TSC1: variants seen among roughly 807,000 people sequenced by gnomAD.
TSC1 encodes the protein TSC complex subunit 1.
In TSC1, 20 loss-of-function variants were observed where a neutral mutation model predicts 124.3. The ratio of observed to expected loss-of-function variants is 0.16; its 90% CI spans 0.11 to 0.23. The LOEUF (loss-of-function observed/expected upper bound fraction) is 0.23, where lower values mean the gene tolerates loss of function less well. Among genes scored for constraint, TSC1 ranks in the 10% least tolerant of loss-of-function variants. The pLI is 1.00. For synonymous variants in TSC1, 493 were observed against 539.1 expected (o/e 0.91, Z 1.19); for missense variants, 1,124 against 1,448.5 (o/e 0.78, Z 3.64).
chr9:132,905,528 C>T, intron 15 of TSC1, 53 bp downstream of exon 15: 4 of 1,610,798 alleles, frequency 2.5e-6, no homozygotes, highest in Non-Finnish European at 3.4e-6. Context: ...ACTTTCTGTA[C>T]TTCACAATAA....
rs895363180 is a variant in TSC1 at position 132,892,510 on chromosome 9, C to T, written c.*3725G>A. ...CCTTCTCCAGGTGGGGCAGAGCCCCCTGGGGGAACAACTCTCCAAGAGTAT... is the reference window on the plus strand; with the variant it reads ...CCTTCTCCAGGTGGGGCAGAGCCCCTTGGGGGAACAACTCTCCAAGAGTAT... On this transcript the variant is annotated 3_prime_UTR_variant, in exon 23 of 23. Transcript: ENST00000298552. 15 of 233,314 alleles carry T rather than the reference C, an allele frequency of 6.4e-5. No homozygotes were observed. The highest frequency in any genetic ancestry group is 1.1e-4 in the Non-Finnish European group (13 of 118,164). 14.5% of individuals were successfully genotyped at this position (233,314 alleles called of 1,614,324 possible). A position where few individuals can be genotyped will look rare whatever the true frequency, so the allele number is the denominator to read the frequency against.
chr9:132,926,685 C>CTT, intron 4 of TSC1: 4 of 160,074 alleles, frequency 2.5e-5, no homozygotes, highest in East Asian at 1.8e-4. Flanking sequence ...TAAACAAGAT[C>CTT]TTTTTTTTTT....
chr9:132,927,137 C>G (rs544444038), intron 4 of TSC1, 64 bp downstream of exon 4: 2 of 1,473,566 alleles, frequency 1.4e-6, no homozygotes, highest in South Asian at 1.2e-5. Context: ...GCACAGTGGC[C>G]GTGCACAGAA....
At chr9:132,918,977 T>C (rs1009005088) in intron 8 of TSC1, among the ~76,000 whole-genome samples, 1 of 152,238 alleles carries the variant, frequency 6.6e-6, no homozygotes, top group African/African-American at 2.4e-5. Flanking sequence ...TATACAGTCA[T>C]GTGTCACTTA....
intron 20 of TSC1, chr9:132,899,776 C>A (rs1845271789): frequency 6.6e-6 from 1 of 152,214 alleles, no homozygotes; most frequent in Non-Finnish European, 1.5e-5. Context: ...CACAAGGACT[C>A]CTTGGAGGCC....
intron 16 of TSC1, among the ~76,000 whole-genome samples, chr9:132,904,144 G>A (rs1845527317): frequency 6.6e-6 from 1 of 152,160 alleles, no homozygotes. Context: ...CCAGGAAGAT[G>A]CTTCACTCTG....
At chr9:132,930,587 CAA>C (rs58163733) in intron 2 of TSC1, among the ~76,000 whole-genome samples, 3 of 45,246 alleles carry the variant, frequency 6.6e-5, no homozygotes, top group African/African-American at 9.9e-5. Context: ...GACTCTGCCT[CAA>C]AAAAAAAAAA....
At chr9:132,919,536 C>T (rs1846435584) in intron 8 of TSC1, among the ~76,000 whole-genome samples, 1 of 152,120 alleles carries the variant, frequency 6.6e-6, no homozygotes, top group Non-Finnish European at 1.5e-5. Flanking sequence ...GGAATAATGC[C>T]TTCAAATTAC....
At chr9:132,917,353 T>C (rs1846316159) in intron 8 of TSC1, among the ~76,000 whole-genome samples, 1 of 152,202 alleles carries the variant, frequency 6.6e-6, no homozygotes, top group South Asian at 2.1e-4. Flanking sequence ...TTTTCTGAGA[T>C]GGATTCTCGC....
At chr9:132,939,623 C>T (rs1377351786) in intron 1 of TSC1, among the ~76,000 whole-genome samples, 1 of 152,206 alleles carries the variant, frequency 6.6e-6, no homozygotes, top group African/African-American at 2.4e-5. Flanking sequence ...ACATGAACAA[C>T]ATTATTTACT....
intron 1 of TSC1, among the ~76,000 whole-genome samples, chr9:132,936,289 CTTTTAG>C (rs889710971): frequency 1.4e-4 from 21 of 152,082 alleles, no homozygotes; most frequent in Non-Finnish European, 2.8e-4. Context: ...TAATCGGTTT[CTTTTAG>C]TTTTAAAGAT....
chr9:132,944,187 C>T (rs1385634841), intron 1 of TSC1: 1 of 172,432 alleles, frequency 5.8e-6, no homozygotes, highest in Non-Finnish European at 1.2e-5. Flanking sequence ...CCCTCCGCAC[C>T]TAGCGTGAAC....
chr9:132,927,087 G>A lies in TSC1; in HGVS notation c.210+114C>T, dbSNP rs537747138. On this transcript the variant is annotated intron_variant, in intron 4 of 22. Transcript: ENST00000298552. Reference sequence around the variant, plus strand: ...TTATAAACTGGGAACAATGTCATCAGTGGCGCACAGAAATCAAAAGAATAA... The same window carrying A: ...TTATAAACTGGGAACAATGTCATCAATGGCGCACAGAAATCAAAAGAATAA... The A allele has an allele frequency of 2.4e-5, 23 of 978,092 alleles. No individual in the cohort carries two copies. The East Asian group carries it at 3.9e-4, about 17-fold the overall frequency. The allele number at this position is 978,092 out of a possible 1,614,324, so 60.6% of individuals were successfully genotyped here.
Position 132,921,985 on chromosome 9 carries a change from A to G in TSC1, c.509-12T>C. The G allele has an allele frequency of 6.2e-7, 1 of 1,613,996 alleles. No homozygotes were observed. Among genetic ancestry groups the G allele is most frequent in the Non-Finnish European group, 8.5e-7 (1 of 1,179,920 alleles). ...TTCCGCCACGTGGCCTAGAAAAGGA[A>G]CCCGTTGAGAAGAGCCTCTTAGTTG... is the stretch of plus-strand genomic sequence containing the variant. On this transcript the variant is annotated splice_polypyrimidine_tract_variant and intron_variant, in intron 6 of 22. Coordinates refer to ENST00000298552, the MANE Select transcript of TSC1 (RefSeq NM_000368.5). This position sits in a 1 kb window ranked among gnomAD's most constrained non-coding sequence, Gnocchi z 4.3.
chr9:132,931,866 T>G (rs760873083), intron 2 of TSC1, among the ~76,000 whole-genome samples: 2 of 152,184 alleles, frequency 1.3e-5, no homozygotes, highest in Non-Finnish European at 2.9e-5. Flanking sequence ...CAGCCCTACA[T>G]GGACTCAGTC....
intron 16 of TSC1, 103 bp downstream of exon 16, chr9:132,904,308 G>T: frequency 7.8e-7 from 1 of 1,277,044 alleles, no homozygotes; most frequent in Non-Finnish European, 1.1e-6. Flanking sequence ...CAATAGCCAA[G>T]GGGAGATCTG....
At chr9:132,910,780 T>C (rs1845914357) in intron 11 of TSC1, 88 bp from the exon 12 acceptor site, 13 of 1,579,942 alleles carry the variant, frequency 8.2e-6, no homozygotes, top group South Asian at 1.1e-5. Flanking sequence ...ACTATTACTA[T>C]AAATAAAGCT....
At position 132,895,075 on chromosome 9, in the gene TSC1, A is replaced by G. The variant is rs765244801; in HGVS notation, c.*1160T>C. ...TTTAGACTGCTCTGCCATTACTAAC[A>G]TGGAGAGTGTGATGACATCAGCTCC... On this transcript the variant is annotated 3_prime_UTR_variant, in exon 23 of 23. Transcript: ENST00000298552. 7 of 232,862 alleles carry G rather than the reference A, an allele frequency of 3.0e-5. No individual in the cohort carries two copies. Among genetic ancestry groups the G allele is most frequent in the African/African-American group, 4.4e-5 (2 of 45,302 alleles). The allele number at this position is 232,862 out of a possible 1,614,324, so 14.4% of individuals were successfully genotyped here.
In TSC1 at chr9:132,927,079, T is replaced by C. The variant is rs930398403; in HGVS notation, c.210+122A>G. 6.6e-6 allele frequency: 6 copies of C among 913,364 alleles called. No homozygotes were observed. The African/African-American group carries it at 6.6e-5, about 10-fold the overall frequency. 56.6% of individuals were successfully genotyped at this position (913,364 alleles called of 1,614,324 possible). A position where few individuals can be genotyped will look rare whatever the true frequency, so the allele number is the denominator to read the frequency against. On this transcript the variant is annotated intron_variant, in intron 4 of 22. Coordinates refer to ENST00000298552, the MANE Select transcript of TSC1 (RefSeq NM_000368.5). ...ATATGTAGTTATAAACTGGGAACAATGTCATCAGTGGCGCACAGAAATCAA... is the reference window on the plus strand; with the variant it reads ...ATATGTAGTTATAAACTGGGAACAACGTCATCAGTGGCGCACAGAAATCAA...
Sources: allele counts gnomAD v4.1 joint callset (sites outside exome capture counted in the v4.1 genomes callset), GRCh38; gene constraint gnomAD v4.1.1; non-coding constraint Gnocchi (gnomAD v3.1); transcripts MANE v1.5; gene names NCBI Gene and HGNC (gene_info 2026-07-23, HGNC 2026-07-21).